COL4A5: variants seen among roughly 807,000 people sequenced by gnomAD.
COL4A5 encodes the protein collagen type IV alpha 5 chain, also known as collagen alpha-5(IV) chain.
In COL4A5, 26 loss-of-function variants were observed where a neutral mutation model predicts 130.2. That is an observed-to-expected ratio of 0.20 (90% CI 0.15 to 0.28). The LOEUF (loss-of-function observed/expected upper bound fraction) is 0.28, where lower values mean the gene tolerates loss of function less well. COL4A5 is among the 10% of genes least tolerant of loss of function. The pLI is 1.00. For missense variants in COL4A5, 1,131 were observed against 1,344.3 expected, an observed-to-expected ratio of 0.84 and a Z score of 2.48; for synonymous variants, 496 against 439.6, an observed-to-expected ratio of 1.13 and a Z score of -1.60.
chrX:108,682,599 A>G (rs1249615202), intron 47 of COL4A5, among the ~76,000 whole-genome samples: 1 of 112,168 alleles, frequency 8.9e-6, no homozygotes, highest in African/African-American at 3.2e-5. Flanking sequence ...CTGGTGTGAG[A>G]TAATATCTCA....
chrX:108,447,031 A>G (rs2064460507), intron 1 of COL4A5, among the ~76,000 whole-genome samples: 1 of 111,333 alleles, frequency 9.0e-6, no homozygotes, highest in Non-Finnish European at 1.9e-5. Context: ...CAGCTATAAC[A>G]GTGGTATAAC....
At chrX:108,552,426 T>C (rs1354816098) in intron 2 of COL4A5, among the ~76,000 whole-genome samples, 1 of 111,699 alleles carries the variant, frequency 9.0e-6, no homozygotes, top group African/African-American at 3.3e-5. Context: ...TCTTTTCCAA[T>C]TTGGGAATAT....
At chrX:108,545,252 G>A (rs1254291024) in intron 2 of COL4A5, among the ~76,000 whole-genome samples, 3 of 111,398 alleles carry the variant, frequency 2.7e-5, no homozygotes, top group East Asian at 5.6e-4. Flanking sequence ...ATTTAGTGCT[G>A]TAAGTTTCCC....
intron 1 of COL4A5, among the ~76,000 whole-genome samples, chrX:108,464,987 C>G (rs768085089): frequency 1.8e-5 from 2 of 111,964 alleles, no homozygotes; most frequent in Non-Finnish European, 3.8e-5. Flanking sequence ...AATGTGCACA[C>G]CCACAACATT....
intron 36 of COL4A5, chrX:108,627,036 T>C: frequency 1.4e-6 from 1 of 704,126 alleles, no homozygotes; most frequent in Non-Finnish European, 1.7e-6. Context: ...TAAGAATTTA[T>C]TGAATTGTAT....
chrX:108,619,180 A>G (rs1260666702), intron 30 of COL4A5, among the ~76,000 whole-genome samples: 1 of 111,792 alleles, frequency 8.9e-6, no homozygotes, highest in Non-Finnish European at 1.9e-5. Flanking sequence ...GTAATTCTCT[A>G]ATCTTCAAAG....
At chrX:108,479,829 C>T (rs771383221) in intron 1 of COL4A5, among the ~76,000 whole-genome samples, 1 of 111,807 alleles carries the variant, frequency 8.9e-6, no homozygotes, top group South Asian at 3.8e-4. Flanking sequence ...CTTGATGACC[C>T]ATAGTCAAAT....
intron 36 of COL4A5, among the ~76,000 whole-genome samples, chrX:108,647,435 T>G (rs2067621535): frequency 8.9e-6 from 1 of 111,841 alleles, no homozygotes; most frequent in African/African-American, 3.2e-5. Context: ...CGATTTTGTA[T>G]CCTGAGACTT....
At chrX:108,573,848 C>T (rs1264543181) in intron 9 of COL4A5, among the ~76,000 whole-genome samples, 194 bp downstream of exon 9, 1 of 111,379 alleles carries the variant, frequency 9.0e-6, no homozygotes, top group Non-Finnish European at 1.9e-5. Flanking sequence ...CGGCTTCATT[C>T]TTTTGCCTTT....
chrX:108,545,411 A>G (rs1327920939), intron 2 of COL4A5, among the ~76,000 whole-genome samples: 3 of 110,392 alleles, frequency 2.7e-5, no homozygotes, highest in Non-Finnish European at 5.7e-5. Flanking sequence ...CATGTAGTTG[A>G]GCAGTTTTCA....
chrX:108,473,646 T>C (rs1944816050), intron 1 of COL4A5, among the ~76,000 whole-genome samples: 1 of 89,300 alleles, frequency 1.1e-5, no homozygotes, highest in African/African-American at 4.0e-5. Flanking sequence ...TTTTTTTTTT[T>C]GAGATGAAGT....
chrX:108,546,670 G>A (rs1222028520), intron 2 of COL4A5, among the ~76,000 whole-genome samples: 1 of 111,286 alleles, frequency 9.0e-6, no homozygotes, highest in Non-Finnish European at 1.9e-5. Flanking sequence ...TGCTAGGTTG[G>A]GGAAGTTCTC....
intron 36 of COL4A5, among the ~76,000 whole-genome samples, chrX:108,633,983 A>C (rs1438214704): frequency 9.0e-6 from 1 of 111,575 alleles, no homozygotes. Context: ...TAACTCTTCC[A>C]TTTATAAATC....
At chrX:108,452,310 T>G (rs2064525425) in intron 1 of COL4A5, among the ~76,000 whole-genome samples, 1 of 111,985 alleles carries the variant, frequency 8.9e-6, no homozygotes, top group African/African-American at 3.3e-5. Flanking sequence ...CGATGCTGGC[T>G]CTTTTTTGGT....
At position 108,581,039 on chromosome X, in the gene COL4A5, A is replaced by G. The variant is rs1430369251; in HGVS notation, c.936+12A>G. On this transcript the variant is annotated intron_variant, in intron 16 of 52. Coordinates refer to ENST00000328300, the MANE Select transcript of COL4A5 (RefSeq NM_033380.3). Reference sequence around the variant, plus strand: ...AACCAGGAATTCCTGTAAGTAGCTAAGGTTCTTTCCCCCTGCAAAACTGGA... The same window carrying G: ...AACCAGGAATTCCTGTAAGTAGCTAGGGTTCTTTCCCCCTGCAAAACTGGA... 8.3e-7 allele frequency: 1 copy of G among 1,200,973 alleles called. No individual in the cohort carries two copies.
At chrX:108,538,972 C>G (rs987866220) in intron 1 of COL4A5, among the ~76,000 whole-genome samples, 14 of 111,229 alleles carry the variant, frequency 1.3e-4, no homozygotes, top group African/African-American at 4.6e-4. Flanking sequence ...TATGGTAAAG[C>G]TGTTAGAGAC....
At chrX:108,621,093 T>C (rs141092988) in intron 31 of COL4A5, among the ~76,000 whole-genome samples, 4,296 of 106,885 alleles carry the variant, frequency 0.04, 249 homozygotes, top group African/African-American at 0.14. Context: ...TCTTCTCTCT[T>C]TCTTTCTTTC....
intron 37 of COL4A5, among the ~76,000 whole-genome samples, chrX:108,659,849 G>A (rs966241807): frequency 3.6e-5 from 4 of 110,599 alleles, no homozygotes; most frequent in East Asian, 2.8e-4. Context: ...AATCTTTCCC[G>A]TTTATTTGGA....
chrX:108,614,578 A>G (rs1423839530), intron 29 of COL4A5, among the ~76,000 whole-genome samples: 1 of 111,973 alleles, frequency 8.9e-6, no homozygotes, highest in East Asian at 2.8e-4. Flanking sequence ...GAAGTTATCT[A>G]TCTTAAAATA....
Sources: allele counts gnomAD v4.1 joint callset (sites outside exome capture counted in the v4.1 genomes callset), GRCh38; gene constraint gnomAD v4.1.1; transcripts MANE v1.5; gene names NCBI Gene and HGNC (gene_info 2026-07-23, HGNC 2026-07-21).